The following KAZN variants were observed in gnomAD, a reference collection of about 807,000 sequenced individuals.
KAZN encodes kazrin, periplakin interacting protein.
In KAZN, 40 loss-of-function variants were observed where a neutral mutation model predicts 87.4. The observed-to-expected ratio is 0.46, with a 90% confidence interval of 0.36 to 0.60. The LOEUF is 0.60. Among genes scored for constraint, KAZN ranks in the 20% least tolerant of loss-of-function variants. The pLI, the probability that KAZN is intolerant of heterozygous loss-of-function variation, is 0.00. For synonymous variants in KAZN, 466 were observed against 458.3 expected, an observed-to-expected ratio of 1.02 and a Z score of -0.22; for missense variants, 898 against 1,073.9, an observed-to-expected ratio of 0.84 and a Z score of 2.29.
chr1:14,106,249 G>A (rs1292848753), intron 1 of KAZN, among the ~76,000 whole-genome samples: 1 of 152,172 alleles, frequency 6.6e-6, no homozygotes, highest in African/African-American at 2.4e-5. Context: ...TCTGACTAAA[G>A]CTTCTTTTTC....
rs1640806007 is a variant in KAZN, at chr1:15,096,404, T to C, written c.1547+1471T>C. 6.6e-6 allele frequency among the ~76,000 whole-genome samples: 1 copy of C among 152,150 alleles called. No individual in the cohort carries two copies. Among genetic ancestry groups the C allele is most frequent in the African/African-American group, 2.4e-5 (1 of 41,442 alleles). On this transcript the variant is annotated intron_variant, in intron 10 of 14. Transcript: ENST00000376030. This position sits in a 1 kb window ranked among gnomAD's most constrained non-coding sequence, Gnocchi z 4.5. ...CCACTTTGATTTTGAAGAGAAGAAA[T>C]GCATGGGGGGAGGACGTCCCCACCG...
chr1:14,498,457 C>T (rs1376237263), intron 2 of KAZN, among the ~76,000 whole-genome samples: 5 of 152,114 alleles, frequency 3.3e-5, no homozygotes, highest in Non-Finnish European at 7.4e-5. Flanking sequence ...TTTGGGAGGC[C>T]GAGGCAGGTG....
In KAZN at chr1:14,312,974, A is replaced by G. The variant is rs147490146; in HGVS notation, c.249+132382A>G. Among the ~76,000 whole-genome samples, 1,227 of 152,268 alleles carry G rather than the reference A, an allele frequency of 8.1e-3. 11 individuals carry two copies. Among genetic ancestry groups the G allele is most frequent in the South Asian group, 0.02 (95 of 4,830 alleles). On this transcript the variant is annotated intron_variant, in intron 2 of 16. Transcript: ENST00000636203. ...AGTTAAGCTATGCCTGGATTCCTGA[A>G]CAACAGAAACTGTGAGATTGTAAAT...
intron 1 of KAZN, among the ~76,000 whole-genome samples, chr1:14,909,178 A>C (rs1466789828): frequency 6.6e-6 from 1 of 152,214 alleles, no homozygotes; most frequent in Non-Finnish European, 1.5e-5. Context: ...GTGATAATTA[A>C]ATATATCCCA....
intron 1 of KAZN, among the ~76,000 whole-genome samples, chr1:14,869,172 A>G (rs762958125): frequency 2.8e-4 from 42 of 152,302 alleles, no homozygotes; most frequent in African/African-American, 9.9e-4. Flanking sequence ...TCCAGCTTCC[A>G]CCATCCCCTT....
chr1:14,209,056 G>A (rs1646800724), intron 2 of KAZN, among the ~76,000 whole-genome samples: 1 of 152,154 alleles, frequency 6.6e-6, no homozygotes, highest in Non-Finnish European at 1.5e-5. Flanking sequence ...CATTATCTCT[G>A]CTCCCCTATG....
At chr1:14,112,962 C>G (rs1282923352) in intron 1 of KAZN, among the ~76,000 whole-genome samples, 1 of 152,248 alleles carries the variant, frequency 6.6e-6, no homozygotes, top group African/African-American at 2.4e-5. Context: ...CTGTCACTAA[C>G]TGCATCCCTG....
intron 1 of KAZN, among the ~76,000 whole-genome samples, chr1:14,858,215 T>TTTTTTTTTTTTTTTTTTTTTTTTC: frequency 2.0e-5 from 1 of 48,906 alleles, no homozygotes; most frequent in Non-Finnish European, 4.4e-5. Context: ...TTTTCTTTTC[T>TTTTTTTTTTTTTTTTTTTTTTTTC]TTTTTTTTTT....
At chr1:14,917,273 C>T (rs1399001279) in intron 1 of KAZN, among the ~76,000 whole-genome samples, 30 of 152,200 alleles carry the variant, frequency 2.0e-4, no homozygotes, top group Non-Finnish European at 5.9e-5. Context: ...TAATCCTTCC[C>T]GATGCACCTG....
chr1:14,736,696 A>G (rs1643920104), intron 1 of KAZN, among the ~76,000 whole-genome samples: 1 of 152,112 alleles, frequency 6.6e-6, no homozygotes, highest in Non-Finnish European at 1.5e-5. Context: ...TGGCTAAGAC[A>G]GTTCTATAAA....
At chr1:13,995,577 T>C (rs538292665) in intron 1 of KAZN, among the ~76,000 whole-genome samples, 3 of 152,360 alleles carry the variant, frequency 2.0e-5, no homozygotes, top group East Asian at 3.9e-4. Flanking sequence ...AAACCTAATA[T>C]TGTGAAAAAT....
intron 1 of KAZN, among the ~76,000 whole-genome samples, chr1:14,896,573 C>T (rs912880799): frequency 6.6e-6 from 1 of 152,218 alleles, no homozygotes; most frequent in African/African-American, 2.4e-5. Context: ...CCTTATGACT[C>T]ATCAGTAGAG....
At chr1:14,799,361 C>A (rs1180453151) in intron 1 of KAZN, among the ~76,000 whole-genome samples, 2 of 152,208 alleles carry the variant, frequency 1.3e-5, no homozygotes, top group Non-Finnish European at 2.9e-5. Flanking sequence ...AGAAAGGCTT[C>A]ATTTGGGACA....
At chr1:14,768,723 A>G (rs1644947789) in intron 1 of KAZN, among the ~76,000 whole-genome samples, 1 of 152,204 alleles carries the variant, frequency 6.6e-6, no homozygotes, top group Admixed American at 6.5e-5. Context: ...ATGCCCATGG[A>G]AACCTGGCAG....
intron 2 of KAZN, among the ~76,000 whole-genome samples, chr1:14,306,648 C>T (rs1654950785): frequency 6.6e-6 from 1 of 152,116 alleles, no homozygotes; most frequent in Non-Finnish European, 1.5e-5. Context: ...TGAACCAGGC[C>T]CCAACCCCTG....
chr1:15,073,368 G>A (rs986338385), intron 8 of KAZN, among the ~76,000 whole-genome samples: 5 of 152,232 alleles, frequency 3.3e-5, no homozygotes, highest in Non-Finnish European at 7.3e-5. Flanking sequence ...AGTCGCAGGA[G>A]GTCACATGGG....
intron 8 of KAZN, among the ~76,000 whole-genome samples, chr1:15,092,091 T>A (rs1167701337): frequency 6.7e-6 from 1 of 149,880 alleles, no homozygotes; most frequent in Non-Finnish European, 1.5e-5. Flanking sequence ...TTTTTTTTTT[T>A]TGGAGACGGA....
intron 1 of KAZN, among the ~76,000 whole-genome samples, chr1:14,868,050 A>G (rs1485755307): frequency 1.3e-5 from 1 of 77,546 alleles, no homozygotes; most frequent in African/African-American, 3.7e-5. Flanking sequence ...GCATGGCATC[A>G]CATACGCACA....
chr1:15,060,403 C>A, intron 6 of KAZN, 101 bp downstream of exon 6: 2 of 1,469,796 alleles, frequency 1.4e-6, no homozygotes, highest in East Asian at 2.3e-5. Context: ...TCCTCTCGTC[C>A]ACCCAGGGAG....
Sources: allele counts gnomAD v4.1 joint callset (sites outside exome capture counted in the v4.1 genomes callset), GRCh38; gene constraint gnomAD v4.1.1; non-coding constraint Gnocchi (gnomAD v3.1); transcripts MANE v1.5; gene names NCBI Gene and HGNC (gene_info 2026-07-23, HGNC 2026-07-21).